Variants in ZNF714 observed in about 807,000 individuals in gnomAD.
The protein encoded by ZNF714 is zinc finger protein 714.
ZNF714 carries 32 observed loss-of-function variants against 46.2 expected under a neutral mutation model. That is an observed-to-expected ratio of 0.69 (90% CI 0.52 to 0.93). The LOEUF is 0.93. Among genes scored for constraint, ZNF714 ranks in the 40% least tolerant of loss-of-function variants. The probability of loss-of-function intolerance (pLI) is 0.00; values close to 1 mark genes in which losing one functional copy is unlikely to be tolerated. For synonymous variants in ZNF714, 199 were observed against 213.1 expected, an observed-to-expected ratio of 0.93 and a Z score of 0.58; for missense variants, 635 against 646.3, an observed-to-expected ratio of 0.98 and a Z score of 0.19.
At chr19:21,086,992 A>G (rs1011750835) in intron 2 of ZNF714, among the ~76,000 whole-genome samples, 1 of 152,192 alleles carries the variant, frequency 6.6e-6, no homozygotes, top group African/African-American at 2.4e-5. Flanking sequence ...TCAGTCTTCT[A>G]TTAGTTCAGT....
intron 2 of ZNF714, among the ~76,000 whole-genome samples, chr19:21,088,101 C>T (rs752632577): frequency 6.6e-6 from 1 of 152,036 alleles, no homozygotes; most frequent in Non-Finnish European, 1.5e-5. Context: ...CTTACCTAGC[C>T]GTAAAGCAGG....
intron 2 of ZNF714, among the ~76,000 whole-genome samples, chr19:21,096,545 TA>T (rs1969044937): frequency 6.6e-6 from 1 of 152,240 alleles, no homozygotes; most frequent in Admixed American, 6.5e-5. Context: ...CACATACTTT[TA>T]AAAATTCTTG....
chr19:21,091,594 A>G (rs541674304), intron 2 of ZNF714: 3 of 152,056 alleles, frequency 2.0e-5, no homozygotes, highest in African/African-American at 7.2e-5. Context: ...TCTTTCCATA[A>G]ACTATTTCTA....
Position 21,123,476 on chromosome 19 carries a change from T to C in ZNF714, c.*5144T>C, listed in dbSNP as rs946319167. On this transcript the variant is annotated 3_prime_UTR_variant, in exon 5 of 5. Coordinates refer to ENST00000456283, the MANE Select transcript of ZNF714 (RefSeq NM_182515.4). The stretch of plus-strand genomic sequence containing the variant: ...TTCACGCCATTCTCCCGCCTCAGCC[T>C]CCCGAGTAGCTGGGACTACAGGCGC... Among the ~76,000 whole-genome samples, 1 of 152,050 alleles carries C rather than the reference T, an allele frequency of 6.6e-6. No homozygotes were observed. The highest frequency in any genetic ancestry group is 2.4e-5 in the African/African-American group (1 of 41,430).
At position 21,118,779 on chromosome 19, in the gene ZNF714, C is replaced by A; in HGVS notation, c.*447C>A. 1 of 208,566 alleles carries A rather than the reference C, an allele frequency of 4.8e-6. No homozygotes were observed. Among genetic ancestry groups the A allele is most frequent in the Non-Finnish European group, 1.0e-5 (1 of 100,002 alleles). 12.9% of individuals were successfully genotyped at this position (208,566 alleles called of 1,614,324 possible). Reference sequence around the variant, plus strand: ...CAGAAAGATCTGGCAATGCTTTTGACAACACCTCAAACTTTTCTAACCATA... The same window carrying A: ...CAGAAAGATCTGGCAATGCTTTTGAAAACACCTCAAACTTTTCTAACCATA... On this transcript the variant is annotated 3_prime_UTR_variant, in exon 5 of 5. Transcript: ENST00000456283.
rs898939150 is a variant in ZNF714 at position 21,118,502 on chromosome 19, A to T, written c.*170A>T. ...AATTCATACTGGAACGAAACCCTACAATTGTGAAGAATGTGCCAGTGCTTT... is the reference window on the plus strand; with the variant it reads ...AATTCATACTGGAACGAAACCCTACTATTGTGAAGAATGTGCCAGTGCTTT... On this transcript the variant is annotated 3_prime_UTR_variant, in exon 5 of 5. Transcript: ENST00000456283. The T allele has an allele frequency of 1.4e-5, 5 of 347,446 alleles. No individual in the cohort carries two copies. Among genetic ancestry groups the T allele is most frequent in the Non-Finnish European group, 2.7e-5 (5 of 187,558 alleles). The allele number at this position is 347,446 out of a possible 1,614,324, so 21.5% of individuals were successfully genotyped here.
At position 21,122,747 on chromosome 19, in the gene ZNF714, A is replaced by G. The variant is rs1376921501; in HGVS notation, c.*4415A>G. The G allele has an allele frequency of 1.3e-5, 2 of 151,974 alleles. No individual in the cohort carries two copies. Among genetic ancestry groups the G allele is most frequent in the South Asian group, 2.1e-4 (1 of 4,824 alleles). 9.4% of individuals were successfully genotyped at this position (151,974 alleles called of 1,614,324 possible). A position where few individuals can be genotyped will look rare whatever the true frequency, so the allele number is the denominator to read the frequency against. ...GTTTTCTGACTGTTCTCTTCACGCC[A>G]TTTCATTTCGCCTGGTATTTTGTAG... On this transcript the variant is annotated 3_prime_UTR_variant, in exon 5 of 5. Transcript: ENST00000456283.
At chr19:21,108,736 A>G (rs1969379688) in intron 4 of ZNF714, among the ~76,000 whole-genome samples, 1 of 152,210 alleles carries the variant, frequency 6.6e-6, no homozygotes, top group Non-Finnish European at 1.5e-5. Context: ...ACACTCAGGT[A>G]TTCCTCTTTA....
chr19:21,101,003 C>T (rs1319631828), intron 4 of ZNF714, among the ~76,000 whole-genome samples: 1 of 152,118 alleles, frequency 6.6e-6, no homozygotes, highest in Non-Finnish European at 1.5e-5. Flanking sequence ...GCCACCAAGC[C>T]CGGCTTTTTA....
Position 21,104,026 on chromosome 19 carries a change from C to T in ZNF714, c.142+5116C>T, listed in dbSNP as rs185086754. Among the ~76,000 whole-genome samples, 354 of 151,496 alleles carry T rather than the reference C, an allele frequency of 2.3e-3. 12 individuals carry two copies. In the South Asian group the frequency reaches 0.063, roughly 27 times the overall value. Reference sequence around the variant, plus strand: ...TAACAAGAACCCATTTTACCCTCTCCGCGGCCCTTGACAAACACCGTTCCA... The same window carrying T: ...TAACAAGAACCCATTTTACCCTCTCTGCGGCCCTTGACAAACACCGTTCCA... On this transcript the variant is annotated intron_variant, in intron 4 of 4. Coordinates refer to ENST00000456283, the MANE Select transcript of ZNF714 (RefSeq NM_182515.4).
chr19:21,125,078 C>CA lies in ZNF714; in HGVS notation c.*6762dup, dbSNP rs561262047. The CA allele has an allele frequency of 0.023, 2,083 of 89,074 alleles. 39 individuals carry two copies. Among genetic ancestry groups the CA allele is most frequent in the African/African-American group, 0.073 (1,761 of 24,030 alleles). The allele number at this position is 89,074 out of a possible 1,614,324, so 5.5% of individuals were successfully genotyped here. A position where few individuals can be genotyped will look rare whatever the true frequency, so the allele number is the denominator to read the frequency against. Reference sequence around the variant, plus strand: ...TCAACATGGAAAATCCCCGTCTCTACAAAAAAAAAAAAAAAATCTCAGCTG... The same window carrying CA: ...TCAACATGGAAAATCCCCGTCTCTACAAAAAAAAAAAAAAAAATCTCAGCTG... On this transcript the variant is annotated 3_prime_UTR_variant, in exon 5 of 5. Coordinates refer to ENST00000456283, the MANE Select transcript of ZNF714 (RefSeq NM_182515.4).
chr19:21,089,440 A>G (rs1257081482), intron 2 of ZNF714, among the ~76,000 whole-genome samples: 1 of 152,200 alleles, frequency 6.6e-6, no homozygotes, highest in East Asian at 1.9e-4. Context: ...TGTTCTGAAA[A>G]AGGAAAATTC....
chr19:21,101,730 A>G (rs1969185373), intron 4 of ZNF714, among the ~76,000 whole-genome samples: 1 of 152,176 alleles, frequency 6.6e-6, no homozygotes, highest in African/African-American at 2.4e-5. Context: ...CAGGTCTCTG[A>G]AAGGGCAGGA....
intron 3 of ZNF714, 85 bp from the exon 4 acceptor site, chr19:21,098,727 C>A: frequency 1.3e-6 from 1 of 782,390 alleles, no homozygotes; most frequent in Non-Finnish European, 1.9e-6. Flanking sequence ...CTAAAATATT[C>A]TATTATATCC....
Position 21,124,939 on chromosome 19 carries a change from CTTT to C in ZNF714, c.*6623_*6625del, listed in dbSNP as rs58610412. 0.019 allele frequency: 2,566 copies of C among 134,542 alleles called. 63 individuals carry two copies. The highest frequency in any genetic ancestry group is 0.06 in the African/African-American group (2,156 of 35,922). The allele number at this position is 134,542 out of a possible 1,614,324, so 8.3% of individuals were successfully genotyped here. On this transcript the variant is annotated 3_prime_UTR_variant, in exon 5 of 5. Coordinates refer to ENST00000456283, the MANE Select transcript of ZNF714 (RefSeq NM_182515.4). ...TAATTTAAAATAATATAATTTTTTT[CTTT>C]TTTTTTTTTTTTTTTAAGGCCAGGT...
At chr19:21,087,222 C>CAAAAAAAAAAAAAA (rs57295093) in intron 2 of ZNF714, among the ~76,000 whole-genome samples, 1 of 92,168 alleles carries the variant, frequency 1.1e-5, no homozygotes. Context: ...GCAGTCTCAG[C>CAAAAAAAAAAAAAA]AAAAAAAAAA....
intron 4 of ZNF714, among the ~76,000 whole-genome samples, chr19:21,100,414 C>T (rs1028264279): frequency 3.3e-5 from 5 of 151,748 alleles, no homozygotes; most frequent in African/African-American, 4.8e-5. Flanking sequence ...TGCCTGTAAT[C>T]CCAGCTACTC....
At chr19:21,110,094 C>T (rs1969416469) in intron 4 of ZNF714, among the ~76,000 whole-genome samples, 1 of 152,156 alleles carries the variant, frequency 6.6e-6, no homozygotes, top group African/African-American at 2.4e-5. Flanking sequence ...GATTTATATT[C>T]CTTTGGTATA....
In ZNF714 at chr19:21,119,748, A is replaced by C; in HGVS notation, c.*1416A>C. 1 of 152,266 alleles carries C rather than the reference A, an allele frequency of 6.6e-6. No homozygotes were observed. Among genetic ancestry groups the C allele is most frequent in the East Asian group, 1.9e-4 (1 of 5,198 alleles). The allele number at this position is 152,266 out of a possible 1,614,324, so 9.4% of individuals were successfully genotyped here. On this transcript the variant is annotated 3_prime_UTR_variant, in exon 5 of 5. Transcript: ENST00000456283. The stretch of plus-strand genomic sequence containing the variant: ...AAATATCAGAATTTATGGTAGAAAT[A>C]CATAAGGCACTGACAACATCAGATA...
Sources: gnomAD v4.1 joint callset for allele counts (sites outside exome capture counted in the v4.1 genomes callset) on GRCh38, gnomAD v4.1.1 for gene constraint, MANE v1.5 for transcripts, NCBI Gene and HGNC (gene_info 2026-07-23, HGNC 2026-07-21) for gene names.